Variants in TFDP2 observed in about 807,000 individuals in gnomAD.
TFDP2 encodes transcription factor Dp-2, also known as transcription factor Dp-2 (E2F dimerization partner 2).
In TFDP2, 17 loss-of-function variants were observed where a neutral mutation model predicts 59.3. The ratio of observed to expected loss-of-function variants is 0.29; its 90% CI spans 0.20 to 0.43. The LOEUF is 0.43. Ranked by LOEUF, TFDP2 falls within the 20% of genes least tolerant of loss-of-function variation. The pLI, the probability that TFDP2 is intolerant of heterozygous loss-of-function variation, is 1.00. For synonymous variants in TFDP2, 180 were observed against 194.7 expected (o/e 0.92, Z 0.63); for missense variants, 391 against 528.8 (o/e 0.74, Z 2.56).
chr3:142,027,963 T>C (rs1417802898), intron 3 of TFDP2, among the ~76,000 whole-genome samples: 2 of 152,156 alleles, frequency 1.3e-5, no homozygotes, highest in East Asian at 1.9e-4. Context: ...ACCGGCCCCT[T>C]TATGAGCAAA....
intron 1 of TFDP2, among the ~76,000 whole-genome samples, chr3:142,117,402 T>C (rs2061884203): frequency 2.0e-5 from 3 of 150,476 alleles, no homozygotes; most frequent in Admixed American, 2.0e-4. Flanking sequence ...AACCTTCAAA[T>C]TACCTATAAG....
chr3:141,968,403 C>G (rs62637153), intron 9 of TFDP2, among the ~76,000 whole-genome samples: 1 of 73,628 alleles, frequency 1.4e-5, no homozygotes, highest in East Asian at 3.9e-4. Flanking sequence ...ACATATATAT[C>G]ATATATATAA....
chr3:141,973,123 A>ATATATATATATATATATTTTTTTTT, intron 8 of TFDP2, among the ~76,000 whole-genome samples: 2 of 58,028 alleles, frequency 3.4e-5, no homozygotes, highest in Non-Finnish European at 7.4e-5. Context: ...ATATATATAT[A>ATATATATATATATATATTTTTTTTT]TTTTTTTTTT....
chr3:141,969,073 TGAG>T (rs1281704552), intron 9 of TFDP2, among the ~76,000 whole-genome samples: 1 of 73,482 alleles, frequency 1.4e-5, no homozygotes, highest in Admixed American at 1.8e-4. Flanking sequence ...CTCATATATA[TGAG>T]ATATATATAT....
intron 3 of TFDP2, among the ~76,000 whole-genome samples, chr3:142,070,273 A>G (rs974561099): frequency 6.6e-6 from 1 of 152,022 alleles, no homozygotes; most frequent in Non-Finnish European, 1.5e-5. Context: ...GTGAAATACG[A>G]TACATCAGTG....
At chr3:142,001,653 T>A (rs540009617) in intron 4 of TFDP2, among the ~76,000 whole-genome samples, 1 of 152,318 alleles carries the variant, frequency 6.6e-6, no homozygotes, top group African/African-American at 2.4e-5. Context: ...TCCCAAATCT[T>A]CACTTCTGAT....
intron 1 of TFDP2, among the ~76,000 whole-genome samples, chr3:142,143,617 A>T (rs1169313636): frequency 6.6e-6 from 1 of 152,240 alleles, no homozygotes; most frequent in Non-Finnish European, 1.5e-5. Context: ...TCTCAATAGA[A>T]GACATACAAA....
At chr3:142,069,149 C>T (rs1411506315) in intron 3 of TFDP2, among the ~76,000 whole-genome samples, 1 of 152,030 alleles carries the variant, frequency 6.6e-6, no homozygotes, top group African/African-American at 2.4e-5. Flanking sequence ...CTCCTGACCT[C>T]GTGATCCACC....
intron 6 of TFDP2, among the ~76,000 whole-genome samples, chr3:141,980,363 A>G (rs532842593): frequency 2.0e-5 from 3 of 151,998 alleles, no homozygotes; most frequent in Non-Finnish European, 4.4e-5. Context: ...TAATTGGGGT[A>G]TCCGTCATCT....
intron 1 of TFDP2, among the ~76,000 whole-genome samples, chr3:142,110,360 C>T (rs930727093): frequency 1.3e-5 from 2 of 151,972 alleles, no homozygotes; most frequent in East Asian, 3.9e-4. Context: ...AAAAATTAGC[C>T]GGGCGTGGCG....
intron 3 of TFDP2, among the ~76,000 whole-genome samples, chr3:142,072,915 C>T (rs527355709): frequency 6.6e-6 from 1 of 152,286 alleles, no homozygotes; most frequent in East Asian, 1.9e-4. Context: ...GAGCATAACT[C>T]CCTGCTCCTC....
intron 3 of TFDP2, among the ~76,000 whole-genome samples, chr3:142,014,378 G>A (rs890494888): frequency 6.6e-6 from 1 of 151,728 alleles, no homozygotes; most frequent in Non-Finnish European, 1.5e-5. Context: ...TCAAACTCTT[G>A]AGCTCAAGCG....
At chr3:142,000,363 A>G in intron 4 of TFDP2, 1 of 701,900 alleles carries the variant, frequency 1.4e-6, no homozygotes, top group Non-Finnish European at 2.6e-6. Context: ...TCCTAATAGC[A>G]GAAAGGGTCC....
chr3:142,101,600 T>C, intron 2 of TFDP2, 135 bp downstream of exon 2: 1 of 553,606 alleles, frequency 1.8e-6, no homozygotes, highest in South Asian at 4.6e-5. Context: ...ATATTCTGCA[T>C]AAACATAAAC....
At chr3:142,004,307 T>C (rs1373924916) in intron 4 of TFDP2, among the ~76,000 whole-genome samples, 1 of 152,240 alleles carries the variant, frequency 6.6e-6, no homozygotes, top group East Asian at 1.9e-4. Flanking sequence ...TCTTAGAGAC[T>C]TTCTGAAACC....
intron 1 of TFDP2, among the ~76,000 whole-genome samples, chr3:142,110,102 T>C (rs959005192): frequency 2.0e-5 from 3 of 152,110 alleles, no homozygotes; most frequent in Non-Finnish European, 2.9e-5. Context: ...CAGGCTGGTC[T>C]TGAAATCCTA....
chr3:142,018,637 G>T (rs1237694263), intron 3 of TFDP2, among the ~76,000 whole-genome samples: 1 of 151,892 alleles, frequency 6.6e-6, no homozygotes, highest in Non-Finnish European at 1.5e-5. Context: ...TAGAGACAGG[G>T]TCTCACCATG....
At chr3:142,017,045 C>T (rs1945181077) in intron 3 of TFDP2, among the ~76,000 whole-genome samples, 1 of 152,168 alleles carries the variant, frequency 6.6e-6, no homozygotes, top group Non-Finnish European at 1.5e-5. Flanking sequence ...TGCCTGTAAT[C>T]CTCCCCCAGA....
chr3:141,982,972 T>C (rs917328991), intron 6 of TFDP2, among the ~76,000 whole-genome samples: 1 of 152,190 alleles, frequency 6.6e-6, no homozygotes, highest in South Asian at 2.1e-4. Flanking sequence ...TCTCACAAGT[T>C]GTGAGGATGA....
Sources: gnomAD v4.1 joint callset for allele counts (sites outside exome capture counted in the v4.1 genomes callset) on GRCh38, gnomAD v4.1.1 for gene constraint, MANE v1.5 for transcripts, NCBI Gene and HGNC (gene_info 2026-07-23, HGNC 2026-07-21) for gene names.